Variants in ARSB observed in about 807,000 individuals in gnomAD.
ARSB encodes the protein N-acetylgalactosamine-4-sulfatase.
Under a neutral mutation model 50.9 loss-of-function variants are expected in ARSB, and 41 were observed. The ratio of observed to expected loss-of-function variants is 0.81; its 90% CI spans 0.63 to 1.04. The LOEUF (loss-of-function observed/expected upper bound fraction) is 1.04. ARSB is among the 50% of genes least tolerant of loss of function. The pLI is 0.00. For missense variants in ARSB, 672 were observed against 693.3 expected, an observed-to-expected ratio of 0.97 and a Z score of 0.35; for synonymous variants, 269 against 284.8, an observed-to-expected ratio of 0.94 and a Z score of 0.56.
chr5:78,847,165 T>C (rs1480473114), intron 5 of ARSB, among the ~76,000 whole-genome samples: 4 of 152,208 alleles, frequency 2.6e-5, no homozygotes, highest in Non-Finnish European at 5.9e-5. Flanking sequence ...TCTCATTTTG[T>C]TGCCCAGACT....
At position 78,985,116 on chromosome 5, in the gene ARSB, G is replaced by A. The variant is rs1228392119; in HGVS notation, c.133C>T (p.Pro45Ser). The change falls in exon 1 of 8, where the codon CCC becomes TCC. Residue 45 changes from proline (P) to serine (S), a missense_variant. Coordinates refer to ENST00000264914, the MANE Select transcript of ARSB (RefSeq NM_000046.5). The stretch of plus-strand genomic sequence containing the variant: ...TCTGCCAGCAAGAAGACCAGGTGGG[G>A]CGGCCGGCTGGCCCCGGCGCCCGAG... Reference protein sequence around the residue: ...PGSGAGASRPPHLVFLLADDL... With the variant: ...PGSGAGASRPSHLVFLLADDL... The A allele has an allele frequency of 6.7e-7, 1 of 1,496,010 alleles. No homozygotes were observed. The highest frequency in any genetic ancestry group is 2.8e-5 in the East Asian group (1 of 35,994). The allele number at this position is 1,496,010 out of a possible 1,614,324, so 92.7% of individuals were successfully genotyped here. A position where few individuals can be genotyped will look rare whatever the true frequency, so the allele number is the denominator to read the frequency against.
At chr5:78,954,981 G>C (rs998519975) in intron 4 of ARSB, among the ~76,000 whole-genome samples, 2 of 151,962 alleles carry the variant, frequency 1.3e-5, no homozygotes, top group Admixed American at 6.6e-5. Flanking sequence ...AGAGAGCTGG[G>C]AACAAGCCAC....
chr5:78,799,271 T>C (rs1580980041), intron 6 of ARSB, among the ~76,000 whole-genome samples: 1 of 152,310 alleles, frequency 6.6e-6, no homozygotes, highest in Middle Eastern at 3.4e-3. Context: ...AGATGCAGAT[T>C]TGAATTTGGC....
chr5:78,870,829 G>A (rs1427860060), intron 5 of ARSB, among the ~76,000 whole-genome samples: 25 of 151,786 alleles, frequency 1.6e-4, no homozygotes, highest in East Asian at 7.7e-4. Flanking sequence ...ATTAGGCAGG[G>A]GAAGGAAATA....
intron 3 of ARSB, among the ~76,000 whole-genome samples, chr5:78,962,685 C>T (rs1352171517): frequency 6.6e-6 from 1 of 152,016 alleles, no homozygotes; most frequent in African/African-American, 2.4e-5. Context: ...CACCACTGCA[C>T]CCGGCTAATT....
Position 78,850,034 on chromosome 5 carries a change from C to G in ARSB, c.1143-10608G>C, listed in dbSNP as rs1244389432. Among the ~76,000 whole-genome samples the G allele has an allele frequency of 2.9e-3, 445 of 151,724 alleles. 4 individuals carry two copies. The highest frequency in any genetic ancestry group is 0.01 in the African/African-American group (433 of 41,394). On this transcript the variant is annotated intron_variant, in intron 5 of 7. Transcript: ENST00000264914. ...AGGGACAATTTGACTTCCTCTTTTCCTAATTGAATGCCCTTTATTTCCTTC... is the reference window on the plus strand; with the variant it reads ...AGGGACAATTTGACTTCCTCTTTTCGTAATTGAATGCCCTTTATTTCCTTC...
In ARSB at chr5:78,782,072, A is replaced by C. The variant is rs574407307; in HGVS notation, c.1214-98T>G. The C allele has an allele frequency of 1.1e-3, 1,668 of 1,450,886 alleles. 5 individuals carry two copies. The highest frequency in any genetic ancestry group is 1.5e-3 in the Non-Finnish European group (1,543 of 1,036,092). 89.9% of individuals were successfully genotyped at this position (1,450,886 alleles called of 1,614,324 possible). On this transcript the variant is annotated intron_variant, in intron 6 of 7. Transcript: ENST00000264914. Reference sequence around the variant, plus strand: ...CCTTGCAGAACAGTAGCTTTTATTCAACACTGGAGTGCAAATGTGTATCTT... The same window carrying C: ...CCTTGCAGAACAGTAGCTTTTATTCCACACTGGAGTGCAAATGTGTATCTT...
At position 78,780,052 on chromosome 5, in the gene ARSB, G is replaced by C. The variant is rs576318055; in HGVS notation, c.*345C>G. ...AACTGGCTATTGGCAGAGGGGAATC[G>C]AACGTCTGACTTGTGAGTCTAAAAG... On this transcript the variant is annotated 3_prime_UTR_variant, in exon 8 of 8. Transcript: ENST00000264914. 6.3e-6 allele frequency: 2 copies of C among 316,940 alleles called. No individual in the cohort carries two copies. The highest frequency in any genetic ancestry group is 1.2e-5 in the Non-Finnish European group (2 of 165,188). 19.6% of individuals were successfully genotyped at this position (316,940 alleles called of 1,614,324 possible).
chr5:78,900,865 C>T (rs7707781), intron 4 of ARSB, among the ~76,000 whole-genome samples: 3,451 of 151,864 alleles, frequency 0.023, 134 homozygotes, highest in African/African-American at 0.079. Context: ...CAGTGAAGCC[C>T]GTCTCTACTA....
chr5:78,844,791 G>GTA (rs1745372801), intron 5 of ARSB, among the ~76,000 whole-genome samples: 1 of 151,932 alleles, frequency 6.6e-6, no homozygotes, highest in South Asian at 2.1e-4. Context: ...ATGGGCTAGA[G>GTA]TATATTTCAA....
chr5:78,857,810 G>A (rs1238020907), intron 5 of ARSB, among the ~76,000 whole-genome samples: 1 of 152,170 alleles, frequency 6.6e-6, no homozygotes, highest in Non-Finnish European at 1.5e-5. Context: ...CTCTAAACCG[G>A]TGAAGTTGGC....
At chr5:78,861,620 A>G (rs927077431) in intron 5 of ARSB, among the ~76,000 whole-genome samples, 2 of 152,238 alleles carry the variant, frequency 1.3e-5, no homozygotes, top group Non-Finnish European at 2.9e-5. Context: ...TCTAAAAACA[A>G]TAAGAGCTAT....
At chr5:78,916,158 T>C (rs890941986) in intron 4 of ARSB, among the ~76,000 whole-genome samples, 2 of 152,348 alleles carry the variant, frequency 1.3e-5, no homozygotes, top group Admixed American at 6.5e-5. Flanking sequence ...TGTGAACAGC[T>C]GATAATAATT....
At position 78,924,863 on chromosome 5, in the gene ARSB, A is replaced by G. The variant is rs115697557; in HGVS notation, c.898+30432T>C. On this transcript the variant is annotated intron_variant, in intron 4 of 7. Coordinates refer to ENST00000264914, the MANE Select transcript of ARSB (RefSeq NM_000046.5). ...CATTGTCCTGAAACACCAACAATTAAAATCATTTTTCTTTTCCAAAATGTG... is the reference window on the plus strand; with the variant it reads ...CATTGTCCTGAAACACCAACAATTAGAATCATTTTTCTTTTCCAAAATGTG... Among the ~76,000 whole-genome samples, 1,165 of 152,318 alleles carry G rather than the reference A, an allele frequency of 7.6e-3. 17 individuals carry two copies. Among genetic ancestry groups the G allele is most frequent in the African/African-American group, 0.027 (1,106 of 41,560 alleles).
intron 5 of ARSB, among the ~76,000 whole-genome samples, chr5:78,856,050 C>T (rs533052550): frequency 6.6e-6 from 1 of 152,278 alleles, no homozygotes; most frequent in South Asian, 2.1e-4. Flanking sequence ...TCTAGTCTAC[C>T]ATCTTGCTGA....
intron 5 of ARSB, among the ~76,000 whole-genome samples, chr5:78,862,707 G>A (rs541506953): frequency 5.3e-5 from 8 of 152,238 alleles, no homozygotes; most frequent in East Asian, 3.9e-4. Flanking sequence ...AGGACTTCAC[G>A]TCTAAAACAC....
At chr5:78,957,854 A>G (rs531656813) in intron 3 of ARSB, among the ~76,000 whole-genome samples, 2 of 152,036 alleles carry the variant, frequency 1.3e-5, no homozygotes, top group Non-Finnish European at 2.9e-5. Flanking sequence ...GGGTACTGCT[A>G]TCTGGGTCTT....
intron 6 of ARSB, among the ~76,000 whole-genome samples, chr5:78,836,431 G>A (rs763338959): frequency 1.3e-5 from 2 of 152,178 alleles, no homozygotes; most frequent in Non-Finnish European, 2.9e-5. Context: ...AGGCCTGGGT[G>A]GGCTCCAGAG....
chr5:78,835,425 C>T (rs919144654), intron 6 of ARSB, among the ~76,000 whole-genome samples: 2 of 151,956 alleles, frequency 1.3e-5, no homozygotes, highest in African/African-American at 4.8e-5. Flanking sequence ...AATGCCTATT[C>T]GTATGATTCA....
Sources: allele counts gnomAD v4.1 joint callset (sites outside exome capture counted in the v4.1 genomes callset), GRCh38; gene constraint gnomAD v4.1.1; transcripts MANE v1.5; gene names NCBI Gene and HGNC (gene_info 2026-07-23, HGNC 2026-07-21).